Variants in RNF4 observed in about 807,000 individuals in gnomAD.
RNF4 encodes E3 ubiquitin-protein ligase RNF4.
RNF4 carries 7 observed loss-of-function variants against 24.3 expected under a neutral mutation model. That is an observed-to-expected ratio of 0.29 (90% CI 0.16 to 0.54). The LOEUF (loss-of-function observed/expected upper bound fraction) is 0.54, where lower values mean the gene tolerates loss of function less well. Among genes scored for constraint, RNF4 ranks in the 20% least tolerant of loss-of-function variants. The pLI, the probability that RNF4 is intolerant of heterozygous loss-of-function variation, is 0.95. For synonymous variants in RNF4, 83 were observed against 84.3 expected (o/e 0.98, Z 0.09); for missense variants, 209 against 248.5 (o/e 0.84, Z 1.07).
At position 2,497,450 on chromosome 4, in the gene RNF4, G is replaced by A. The variant is rs542208681; in HGVS notation, c.124+329G>A. ...GCTTTCCTCTTCTGTTTTTCATTAG[G>A]ACATGAAATCACCCAAGAAGGCAAA... On this transcript the variant is annotated intron_variant, in intron 3 of 7. Transcript: ENST00000314289. The A allele has an allele frequency of 6.9e-5, 13 of 187,116 alleles. No individual in the cohort carries two copies. The South Asian group carries it at 1.4e-3, about 20-fold the overall frequency. 11.6% of individuals were successfully genotyped at this position (187,116 alleles called of 1,614,324 possible).
chr4:2,482,357 G>T (rs1259928486), intron 1 of RNF4, among the ~76,000 whole-genome samples: 1 of 152,238 alleles, frequency 6.6e-6, no homozygotes, highest in African/African-American at 2.4e-5. Flanking sequence ...TCTGTGCTCA[G>T]TGGCCATCAA....
chr4:2,494,765 T>G (rs1298784162), intron 2 of RNF4: 1 of 152,454 alleles, frequency 6.6e-6, no homozygotes, highest in Admixed American at 6.5e-5. Context: ...AAAAATAACC[T>G]TTAAATAAGG....
At chr4:2,473,747 G>A (rs1734982543) in intron 1 of RNF4, among the ~76,000 whole-genome samples, 1 of 151,570 alleles carries the variant, frequency 6.6e-6, no homozygotes, top group South Asian at 2.1e-4. Context: ...AGGGGCAGAG[G>A]TTGTGGTGAG....
chr4:2,475,122 C>G (rs1560398719), intron 1 of RNF4, among the ~76,000 whole-genome samples: 4 of 152,204 alleles, frequency 2.6e-5, no homozygotes, highest in Admixed American at 2.0e-4. Flanking sequence ...AGACCCTTCA[C>G]CAGCAAAAAT....
At chr4:2,507,273 G>A (rs891354214) in intron 4 of RNF4, among the ~76,000 whole-genome samples, 4 of 151,968 alleles carry the variant, frequency 2.6e-5, no homozygotes, top group Admixed American at 1.3e-4. Flanking sequence ...GACACAGGAG[G>A]CACACTGTTG....
chr4:2,509,247 C>T (rs899948278), intron 4 of RNF4, among the ~76,000 whole-genome samples: 38 of 151,638 alleles, frequency 2.5e-4, no homozygotes, highest in Admixed American at 7.2e-4. Flanking sequence ...GAGACAGTTT[C>T]GCTATTGTTG....
chr4:2,470,648 A>G (rs764146054), intron 1 of RNF4, among the ~76,000 whole-genome samples: 9 of 152,216 alleles, frequency 5.9e-5, no homozygotes, highest in Non-Finnish European at 1.2e-4. Context: ...TGTGCTTTGT[A>G]CATAAAATGA....
intron 2 of RNF4, among the ~76,000 whole-genome samples, chr4:2,491,711 G>C (rs935651830): frequency 2.0e-5 from 3 of 151,934 alleles, no homozygotes; most frequent in African/African-American, 7.2e-5. Flanking sequence ...TAGGATGACA[G>C]GCATGAGCCA....
chr4:2,507,321 A>C (rs1368597518), intron 4 of RNF4, among the ~76,000 whole-genome samples: 1 of 152,164 alleles, frequency 6.6e-6, no homozygotes. Context: ...GAAAGAAAGA[A>C]GAGCTCAGAA....
chr4:2,478,693 A>G (rs2108751825), intron 1 of RNF4, among the ~76,000 whole-genome samples: 1 of 152,394 alleles, frequency 6.6e-6, no homozygotes, highest in African/African-American at 2.4e-5. Context: ...AACCTCCACT[A>G]GATTTCAGAG....
chr4:2,515,270 C>T lies in RNF4; in HGVS notation c.*1451C>T, dbSNP rs570545274. 1.2e-4 allele frequency: 18 copies of T among 152,786 alleles called. No homozygotes were observed. In the East Asian group the frequency reaches 1.5e-3, roughly 13 times the overall value. The allele number at this position is 152,786 out of a possible 1,614,324, so 9.5% of individuals were successfully genotyped here. On this transcript the variant is annotated 3_prime_UTR_variant, in exon 8 of 8. Transcript: ENST00000314289. The stretch of plus-strand genomic sequence containing the variant: ...GACTCAGCACAGAATTCACTTTAGA[C>T]GGGGCTGAAGGAGTGTCCCTCCTCT...
At chr4:2,499,843 G>T (rs181317813) in intron 3 of RNF4, among the ~76,000 whole-genome samples, 72 of 152,184 alleles carry the variant, frequency 4.7e-4, no homozygotes, top group African/African-American at 1.5e-3. Flanking sequence ...AGACAAACTT[G>T]AGAGATAAAT....
intron 2 of RNF4, among the ~76,000 whole-genome samples, chr4:2,491,880 TGCACCACC>T (rs1383861771): frequency 1.3e-5 from 2 of 151,546 alleles, no homozygotes; most frequent in African/African-American, 2.4e-5. Flanking sequence ...ATCATAGGCA[TGCACCACC>T]GCACCTGGCC....
At chr4:2,508,146 C>T (rs1321609385) in intron 4 of RNF4, among the ~76,000 whole-genome samples, 4 of 152,112 alleles carry the variant, frequency 2.6e-5, no homozygotes, top group African/African-American at 4.8e-5. Context: ...CATGCCCAGC[C>T]GAGGAAGTGT....
intron 6 of RNF4, 28 bp from the exon 7 acceptor site, chr4:2,513,055 A>C: frequency 6.2e-7 from 1 of 1,611,654 alleles, no homozygotes; most frequent in Non-Finnish European, 8.5e-7. Flanking sequence ...GTTGACTGAG[A>C]AACTAACGTG....
At chr4:2,500,820 G>A (rs1735888008) in intron 4 of RNF4, 82 bp downstream of exon 4, 1 of 1,318,004 alleles carries the variant, frequency 7.6e-7, no homozygotes, top group African/African-American at 1.4e-5. Flanking sequence ...CTTGGTCACA[G>A]ACTCCAAGTC....
At chr4:2,479,594 G>A (rs373309665) in intron 1 of RNF4, among the ~76,000 whole-genome samples, 7 of 152,208 alleles carry the variant, frequency 4.6e-5, no homozygotes, top group Admixed American at 6.5e-5. Flanking sequence ...CACGTAAGAC[G>A]GGACTTACTC....
intron 7 of RNF4, 31 bp downstream of exon 7, chr4:2,513,162 T>C: frequency 6.2e-7 from 1 of 1,605,292 alleles, no homozygotes; most frequent in Non-Finnish European, 8.5e-7. Context: ...CTTCCAGGCT[T>C]CTGGTTTCTA....
intron 1 of RNF4, among the ~76,000 whole-genome samples, chr4:2,489,548 T>G (rs1263510720): frequency 6.6e-6 from 1 of 152,154 alleles, no homozygotes; most frequent in Non-Finnish European, 1.5e-5. Flanking sequence ...TAACGAGCCC[T>G]CTGTGGGGGA....
Sources: allele counts gnomAD v4.1 joint callset (sites outside exome capture counted in the v4.1 genomes callset), GRCh38; gene constraint gnomAD v4.1.1; transcripts MANE v1.5; gene names NCBI Gene and HGNC (gene_info 2026-07-23, HGNC 2026-07-21).